Variants in SPOCK1 observed in about 807,000 individuals in gnomAD.
SPOCK1 encodes the protein testican-1.
Under a neutral mutation model 55.3 loss-of-function variants are expected in SPOCK1, and 23 were observed. That is an observed-to-expected ratio of 0.42 (90% CI 0.30 to 0.59). The LOEUF is 0.59. SPOCK1 is among the 20% of genes least tolerant of loss of function. The pLI is 0.22. For missense variants in SPOCK1, 499 were observed against 552.5 expected (o/e 0.90, Z 0.97); for synonymous variants, 226 against 221.0 (o/e 1.02, Z -0.20).
chr5:137,201,444 C>G (rs1463878113), intron 3 of SPOCK1, among the ~76,000 whole-genome samples: 1 of 152,174 alleles, frequency 6.6e-6, no homozygotes, highest in Non-Finnish European at 1.5e-5. Flanking sequence ...CTACCTGTTT[C>G]CAAATTAATA....
chr5:137,292,719 A>G (rs1757397412), intron 2 of SPOCK1, among the ~76,000 whole-genome samples: 1 of 151,802 alleles, frequency 6.6e-6, no homozygotes, highest in South Asian at 2.1e-4. Flanking sequence ...AAAGAACAAA[A>G]TGGTATTTTA....
At chr5:137,224,633 T>TCA (rs1755914738) in intron 3 of SPOCK1, among the ~76,000 whole-genome samples, 1 of 152,212 alleles carries the variant, frequency 6.6e-6, no homozygotes, top group South Asian at 2.1e-4. Flanking sequence ...CTGACTCTAT[T>TCA]GAGCTTAATA....
chr5:137,102,204 T>C (rs545435480), intron 5 of SPOCK1, among the ~76,000 whole-genome samples: 1 of 152,270 alleles, frequency 6.6e-6, no homozygotes, highest in African/African-American at 2.4e-5. Flanking sequence ...AAGAGGTTCA[T>C]GTGACCAGAG....
rs1750610496 is a variant in SPOCK1 at position 136,976,129 on chromosome 5, A to ACTC, written c.*2522_*2524dup. On this transcript the variant is annotated 3_prime_UTR_variant, in exon 11 of 11. Transcript: ENST00000394945. ...ACATTCTACTTCTAAGGATAAGGTA[A>ACTC]CTCATTACAATCTTTAGTACTCATG... 6.6e-6 allele frequency: 1 copy of ACTC among 152,204 alleles called. No individual in the cohort carries two copies. Among genetic ancestry groups the ACTC allele is most frequent in the African/African-American group, 2.4e-5 (1 of 41,454 alleles). The allele number at this position is 152,204 out of a possible 1,614,324, so 9.4% of individuals were successfully genotyped here. A position where few individuals can be genotyped will look rare whatever the true frequency, so the allele number is the denominator to read the frequency against.
chr5:137,283,214 A>C (rs1490862638), intron 2 of SPOCK1, among the ~76,000 whole-genome samples: 1 of 152,108 alleles, frequency 6.6e-6, no homozygotes, highest in East Asian at 1.9e-4. Flanking sequence ...TCTACCTCCC[A>C]GTGGAGCTTC....
At chr5:137,185,637 C>A (rs569152913) in intron 3 of SPOCK1, among the ~76,000 whole-genome samples, 1 of 152,222 alleles carries the variant, frequency 6.6e-6, no homozygotes, top group African/African-American at 2.4e-5. Flanking sequence ...TAAATAAAAT[C>A]TTCAGAAGGA....
intron 6 of SPOCK1, among the ~76,000 whole-genome samples, chr5:137,041,461 A>G (rs1751997130): frequency 6.6e-6 from 1 of 152,228 alleles, no homozygotes; most frequent in African/African-American, 2.4e-5. Context: ...AAAAATAGAT[A>G]AGTTGGACTT....
intron 2 of SPOCK1, among the ~76,000 whole-genome samples, chr5:137,459,122 G>C (rs922949565): frequency 9.2e-5 from 14 of 152,242 alleles, no homozygotes; most frequent in Non-Finnish European, 1.8e-4. Flanking sequence ...TGTTGAACCA[G>C]ACAGGGCCTG....
At chr5:137,408,720 T>G (rs932468117) in intron 2 of SPOCK1, among the ~76,000 whole-genome samples, 1 of 152,128 alleles carries the variant, frequency 6.6e-6, no homozygotes, top group African/African-American at 2.4e-5. Flanking sequence ...TAATGTTATG[T>G]CATGGTAAAG....
intron 2 of SPOCK1, among the ~76,000 whole-genome samples, chr5:137,434,644 C>T (rs926660316): frequency 7.3e-5 from 11 of 151,384 alleles, no homozygotes; most frequent in South Asian, 4.2e-4. Context: ...AGATTACAGG[C>T]GCCCGCCACC....
intron 6 of SPOCK1, among the ~76,000 whole-genome samples, chr5:137,031,299 T>G (rs1751774825): frequency 6.6e-6 from 1 of 152,206 alleles, no homozygotes; most frequent in African/African-American, 2.4e-5. Flanking sequence ...AAACTAAAGT[T>G]AGGTCTGCCC....
At chr5:137,176,344 G>A (rs745647099) in intron 3 of SPOCK1, among the ~76,000 whole-genome samples, 7 of 152,172 alleles carry the variant, frequency 4.6e-5, no homozygotes, top group Non-Finnish European at 7.4e-5. Context: ...ATAGCAAGGG[G>A]GTGGTGCCAT....
At chr5:137,011,256 G>C (rs1160292233) in intron 6 of SPOCK1, among the ~76,000 whole-genome samples, 1 of 152,166 alleles carries the variant, frequency 6.6e-6, no homozygotes, top group Admixed American at 6.6e-5. Context: ...ATTCTGAAAG[G>C]AATACAGAAT....
intron 2 of SPOCK1, among the ~76,000 whole-genome samples, chr5:137,496,394 T>TA (rs2149846672): frequency 6.6e-6 from 1 of 152,314 alleles, no homozygotes; most frequent in South Asian, 2.1e-4. Flanking sequence ...ATCATGCTTA[T>TA]GATACACTGA....
chr5:137,452,724 A>G (rs1753281410), intron 2 of SPOCK1, among the ~76,000 whole-genome samples: 1 of 152,342 alleles, frequency 6.6e-6, no homozygotes, highest in Admixed American at 6.5e-5. Flanking sequence ...TCAAATGCAA[A>G]AGCTATAGTT....
At chr5:137,365,561 T>C (rs953769774) in intron 2 of SPOCK1, 12 of 152,248 alleles carry the variant, frequency 7.9e-5, no homozygotes, top group African/African-American at 2.9e-4. Context: ...GTTAGTCAGC[T>C]AAAATTCTCC....
At chr5:137,116,757 C>A (rs1394616510) in intron 4 of SPOCK1, among the ~76,000 whole-genome samples, 1 of 152,172 alleles carries the variant, frequency 6.6e-6, no homozygotes, top group Non-Finnish European at 1.5e-5. Context: ...CTACCTGCTC[C>A]CCTCCCCAAC....
rs911814794 is a variant in SPOCK1 at position 137,431,625 on chromosome 5, G to T, written c.186+66748C>A. Among the ~76,000 whole-genome samples the T allele has an allele frequency of 3.9e-5, 6 of 152,338 alleles. No homozygotes were observed. In the South Asian group the frequency reaches 6.2e-4, roughly 16 times the overall value. On this transcript the variant is annotated intron_variant, in intron 2 of 10. Transcript: ENST00000394945. Reference sequence around the variant, plus strand: ...GGCTTGGTGCCATTCTGGAGGTAGTGAGTGAGTTCTTCCTCTGGCAAGACT... The same window carrying T: ...GGCTTGGTGCCATTCTGGAGGTAGTTAGTGAGTTCTTCCTCTGGCAAGACT...
chr5:136,978,131 A>C lies in SPOCK1; in HGVS notation c.*523T>G. ...CAGATATAATGATGTGAAAAAAACT[A>C]ATTTTTAATAATAATCACCGGCAGT... On this transcript the variant is annotated 3_prime_UTR_variant, in exon 11 of 11. Coordinates refer to ENST00000394945, the MANE Select transcript of SPOCK1 (RefSeq NM_004598.4). 1 of 392,558 alleles carries C rather than the reference A, an allele frequency of 2.5e-6. No individual in the cohort carries two copies. Among genetic ancestry groups the C allele is most frequent in the Non-Finnish European group, 4.5e-6 (1 of 222,492 alleles). The allele number at this position is 392,558 out of a possible 1,614,324, so 24.3% of individuals were successfully genotyped here.
Sources: allele counts gnomAD v4.1 joint callset (sites outside exome capture counted in the v4.1 genomes callset), GRCh38; gene constraint gnomAD v4.1.1; transcripts MANE v1.5; gene names NCBI Gene and HGNC (gene_info 2026-07-23, HGNC 2026-07-21).